RABL6: variants seen among roughly 807,000 people sequenced by gnomAD.
The protein encoded by RABL6 is RAB, member RAS oncogene family like 6, also known as rab-like protein 6.
Under a neutral mutation model 72.9 loss-of-function variants are expected in RABL6, and 28 were observed. The observed-to-expected ratio is 0.38, with a 90% confidence interval of 0.28 to 0.53. The LOEUF is 0.53. Among genes scored for constraint, RABL6 ranks in the 20% least tolerant of loss-of-function variants. The pLI, the probability that RABL6 is intolerant of heterozygous loss-of-function variation, is 0.80. For missense variants in RABL6, 1,029 were observed against 1,008.4 expected (o/e 1.02, Z -0.28); for synonymous variants, 477 against 421.2 (o/e 1.13, Z -1.62).
At chr9:136,834,581 C>G (rs368627629) in intron 7 of RABL6, 37 of 629,942 alleles carry the variant, frequency 5.9e-5, no homozygotes, top group South Asian at 7.1e-5. Context: ...TGGGTTCAAG[C>G]GATTCTCCTG....
At chr9:136,818,229 G>A (rs1330390933) in intron 1 of RABL6, among the ~76,000 whole-genome samples, 3 of 151,116 alleles carry the variant, frequency 2.0e-5, no homozygotes, top group Non-Finnish European at 4.4e-5. Context: ...CGGGCGTGGT[G>A]GCGGGCGCCT....
intron 1 of RABL6, 195 bp downstream of exon 1, chr9:136,808,521 CG>C: frequency 2.4e-6 from 1 of 421,630 alleles, no homozygotes. Flanking sequence ...CGGGTCCTCG[CG>C]GCCCCCGAGC....
intron 10 of RABL6, among the ~76,000 whole-genome samples, chr9:136,838,624 C>T (rs984027443): frequency 9.2e-5 from 14 of 152,264 alleles, no homozygotes; most frequent in South Asian, 2.1e-4. Context: ...CCCCGTGGCC[C>T]TGAGCTGGGC....
intron 5 of RABL6, among the ~76,000 whole-genome samples, chr9:136,830,028 G>A (rs747899984): frequency 6.6e-6 from 1 of 152,242 alleles, no homozygotes; most frequent in Admixed American, 6.5e-5. Flanking sequence ...GCCCCAGCGG[G>A]GGGGTGCTGC....
chr9:136,838,607 C>G (rs1232618635), intron 10 of RABL6, among the ~76,000 whole-genome samples: 1 of 152,270 alleles, frequency 6.6e-6, no homozygotes, highest in Non-Finnish European at 1.5e-5. Flanking sequence ...ACACAAAGGA[C>G]AGAAAGCCCC....
chr9:136,822,243 G>A (rs551585006), intron 1 of RABL6, among the ~76,000 whole-genome samples: 2 of 152,264 alleles, frequency 1.3e-5, no homozygotes, highest in South Asian at 2.1e-4. Flanking sequence ...TGACACAGAT[G>A]GGGGAGCGGG....
At chr9:136,827,770 A>G (rs1462516512) in intron 3 of RABL6, 2 of 152,252 alleles carry the variant, frequency 1.3e-5, no homozygotes, top group Non-Finnish European at 2.9e-5. Context: ...CATGAGCCCC[A>G]TCTGTTCTTA....
rs189257847 is a variant in RABL6 at position 136,830,690 on chromosome 9, C to T, written c.459-1031C>T. On this transcript the variant is annotated intron_variant, in intron 5 of 14. Transcript: ENST00000311502. ...GCACCTCCCACTGCTGCCACAGGAA[C>T]GGCCTGGAGGGAGCTGCAGCCGCCT... is the stretch of plus-strand genomic sequence containing the variant. Among the ~76,000 whole-genome samples, 60 of 152,378 alleles carry T rather than the reference C, an allele frequency of 3.9e-4. 1 individual carries two copies. Among genetic ancestry groups the T allele is most frequent in the Admixed American group, 3.7e-3 (57 of 15,304 alleles).
intron 1 of RABL6, chr9:136,815,210 C>T: frequency 3.1e-6 from 1 of 320,600 alleles, no homozygotes; most frequent in East Asian, 1.1e-4. Context: ...TGGGGTGTCC[C>T]TTCTTGCCAG....
At chr9:136,821,711 C>T (rs1297239299) in intron 1 of RABL6, 1 of 1,022,198 alleles carries the variant, frequency 9.8e-7, no homozygotes, top group Non-Finnish European at 1.2e-6. Context: ...GCGCCTGCGG[C>T]TCCGCTTGGG....
Position 136,839,662 on chromosome 9 carries a change from G to A in RABL6, c.1759-32G>A, listed in dbSNP as rs761108782. 10 of 1,559,384 alleles carry A rather than the reference G, an allele frequency of 6.4e-6. No homozygotes were observed. In the East Asian group the frequency reaches 2.0e-4, roughly 32 times the overall value. ...CAACCCCTGGGGGTGTGGGAGGGAT[G>A]ATGGCCTGACCAGTTGCTCTCCCTG... On this transcript the variant is annotated intron_variant, in intron 12 of 14. Coordinates refer to ENST00000311502, the MANE Select transcript of RABL6 (RefSeq NM_024718.5).
At chr9:136,812,140 T>C (rs1848025106) in intron 1 of RABL6, among the ~76,000 whole-genome samples, 1 of 152,232 alleles carries the variant, frequency 6.6e-6, no homozygotes, top group African/African-American at 2.4e-5. Context: ...CAGTTGTATT[T>C]GGTGCAGAAT....
At chr9:136,808,435 G>C in intron 1 of RABL6, 109 bp downstream of exon 1, 3 of 1,187,830 alleles carry the variant, frequency 2.5e-6, no homozygotes, top group Non-Finnish European at 2.1e-6. Flanking sequence ...GCCGGTTGTG[G>C]GGTGCGCTGG....
At chr9:136,835,885 T>G in intron 8 of RABL6, 40 bp downstream of exon 8, 1 of 1,531,438 alleles carries the variant, frequency 6.5e-7, no homozygotes, top group Non-Finnish European at 8.8e-7. Flanking sequence ...GTGTGGGGGC[T>G]GCGGGCGTGG....
Position 136,839,390 on chromosome 9 carries a change from G to C in RABL6, c.1662G>C (p.Glu554Asp). 1 of 1,612,568 alleles carries C rather than the reference G, an allele frequency of 6.2e-7. No homozygotes were observed. Among genetic ancestry groups the C allele is most frequent in the South Asian group, 1.1e-5 (1 of 91,002 alleles). ...PGKGEQASSS[E>D]SDPEGPIAAQ... The stretch of plus-strand genomic sequence containing the variant: ...AGGGTGAGCAGGCCTCCTCGTCGGA[G>C]AGTGACCCCGAGGGACCCATTGCTG... The change falls in exon 12 of 15, where the codon GAG becomes GAC. Residue 554 changes from glutamate to aspartate, a missense_variant. Coordinates refer to ENST00000311502, the MANE Select transcript of RABL6 (RefSeq NM_024718.5).
intron 10 of RABL6, among the ~76,000 whole-genome samples, 151 bp downstream of exon 10, chr9:136,838,166 C>G (rs1179546450): frequency 5.9e-5 from 9 of 152,212 alleles, no homozygotes; most frequent in African/African-American, 2.2e-4. Flanking sequence ...GTGGCTGGAG[C>G]AGACGAGGGA....
At chr9:136,829,342 G>A (rs1350887749) in intron 4 of RABL6, 51 bp from the exon 5 acceptor site, 14 of 1,397,192 alleles carry the variant, frequency 1.0e-5, no homozygotes, top group Middle Eastern at 1.7e-4. Context: ...TGGGCCACAC[G>A]GGTGGGGCCC....
At chr9:136,819,137 A>G (rs2131168845) in intron 1 of RABL6, among the ~76,000 whole-genome samples, 1 of 152,292 alleles carries the variant, frequency 6.6e-6, no homozygotes, top group South Asian at 2.1e-4. Context: ...CCTGGCTAAC[A>G]TGGTGAAACC....
At chr9:136,818,417 A>C in intron 1 of RABL6, among the ~76,000 whole-genome samples, 1 of 145,938 alleles carries the variant, frequency 6.9e-6, no homozygotes, top group Non-Finnish European at 1.5e-5. Context: ...AAAGGTAAGC[A>C]AAGAAACTGG....
Sources: allele counts gnomAD v4.1 joint callset (sites outside exome capture counted in the v4.1 genomes callset), GRCh38; gene constraint gnomAD v4.1.1; transcripts MANE v1.5; gene names NCBI Gene and HGNC (gene_info 2026-07-23, HGNC 2026-07-21).